Variants in ZFPM2 observed in about 807,000 individuals in gnomAD.
The protein encoded by ZFPM2 is zinc finger protein ZFPM2.
Under a neutral mutation model 98.6 loss-of-function variants are expected in ZFPM2, and 20 were observed. The ratio of observed to expected loss-of-function variants is 0.20; its 90% CI spans 0.14 to 0.29. The LOEUF (loss-of-function observed/expected upper bound fraction) is 0.29. ZFPM2 is among the 10% of genes least tolerant of loss of function. ZFPM2 has a pLI of 1.00. For synonymous variants in ZFPM2, 518 were observed against 502.7 expected, an observed-to-expected ratio of 1.03 and a Z score of -0.41; for missense variants, 1,310 against 1,388.6, an observed-to-expected ratio of 0.94 and a Z score of 0.90.
At chr8:105,734,261 C>G (rs1812017489) in intron 5 of ZFPM2, among the ~76,000 whole-genome samples, 1 of 151,884 alleles carries the variant, frequency 6.6e-6, no homozygotes, top group Admixed American at 6.6e-5. Context: ...CCACAAATAG[C>G]CTTGCATCTG....
chr8:105,411,847 G>A (rs761152060), intron 1 of ZFPM2, among the ~76,000 whole-genome samples: 31 of 151,736 alleles, frequency 2.0e-4, no homozygotes, highest in Admixed American at 1.1e-3. Flanking sequence ...GAGTAAATTA[G>A]TCATTAGAGA....
At chr8:105,600,378 T>A (rs1816066578) in intron 4 of ZFPM2, among the ~76,000 whole-genome samples, 1 of 152,164 alleles carries the variant, frequency 6.6e-6, no homozygotes, top group South Asian at 2.1e-4. Flanking sequence ...AGAAAGATTA[T>A]TTTTGAGTAA....
chr8:105,616,874 C>T (rs867623023), intron 4 of ZFPM2, among the ~76,000 whole-genome samples: 1 of 150,848 alleles, frequency 6.6e-6, no homozygotes, highest in African/African-American at 2.4e-5. Flanking sequence ...AAAAATTAGC[C>T]GGGTGTGGTG....
chr8:105,453,635 T>G, intron 3 of ZFPM2, among the ~76,000 whole-genome samples: 1 of 151,544 alleles, frequency 6.6e-6, no homozygotes, highest in Non-Finnish European at 1.5e-5. Flanking sequence ...TTTTTTGTTT[T>G]GTTTTGTTTT....
intron 5 of ZFPM2, among the ~76,000 whole-genome samples, chr8:105,719,318 C>T (rs547721997): frequency 9.2e-5 from 14 of 151,960 alleles, no homozygotes; most frequent in African/African-American, 2.4e-4. Context: ...TCTTTTCACT[C>T]CTCTTGTAAG....
At chr8:105,613,970 A>G (rs1396960490) in intron 4 of ZFPM2, among the ~76,000 whole-genome samples, 1 of 152,178 alleles carries the variant, frequency 6.6e-6, no homozygotes, top group African/African-American at 2.4e-5. Context: ...AAGGAAATGA[A>G]TTTACATAAC....
intron 3 of ZFPM2, among the ~76,000 whole-genome samples, chr8:105,498,129 T>C (rs918440738): frequency 6.6e-6 from 1 of 150,932 alleles, no homozygotes; most frequent in Admixed American, 6.6e-5. Flanking sequence ...GCCCAGGAGG[T>C]TGAGGCTGCA....
At chr8:105,384,480 A>C (rs1810946542) in intron 1 of ZFPM2, among the ~76,000 whole-genome samples, 1 of 152,082 alleles carries the variant, frequency 6.6e-6, no homozygotes, top group Admixed American at 6.6e-5. Flanking sequence ...CCAAATGGGA[A>C]CTGTGTTTTT....
At chr8:105,684,544 C>G (rs1586196545) in intron 5 of ZFPM2, among the ~76,000 whole-genome samples, 1 of 152,012 alleles carries the variant, frequency 6.6e-6, no homozygotes, top group Non-Finnish European at 1.5e-5. Context: ...TAGGTCATCT[C>G]TAAGATAGCA....
chr8:105,712,192 AGAG>A (rs570537957), intron 5 of ZFPM2, among the ~76,000 whole-genome samples: 59 of 151,414 alleles, frequency 3.9e-4, no homozygotes, highest in Non-Finnish European at 4.0e-4. Context: ...ATGGAGAAAG[AGAG>A]GAGAAGAAAG....
At chr8:105,598,065 C>CT (rs1816008632) in intron 4 of ZFPM2, among the ~76,000 whole-genome samples, 1 of 146,252 alleles carries the variant, frequency 6.8e-6, no homozygotes. Context: ...AAAAAAAAAA[C>CT]CTTTTTTTTT....
intron 3 of ZFPM2, among the ~76,000 whole-genome samples, chr8:105,471,041 T>C (rs2130346688): frequency 6.6e-6 from 1 of 152,338 alleles, no homozygotes; most frequent in South Asian, 2.1e-4. Flanking sequence ...TGAAAATCTT[T>C]TTTCTGCAGG....
intron 6 of ZFPM2, 43 bp from the exon 7 acceptor site, chr8:105,798,681 A>T: frequency 6.4e-7 from 1 of 1,556,330 alleles, no homozygotes; most frequent in Non-Finnish European, 8.8e-7. Context: ...AGTTGGTTTC[A>T]AATGGACAGC....
intron 3 of ZFPM2, among the ~76,000 whole-genome samples, chr8:105,502,181 T>C (rs181442860): frequency 2.0e-5 from 3 of 150,318 alleles, no homozygotes; most frequent in African/African-American, 2.5e-5. Context: ...CAATTACATA[T>C]TGACTTGGAA....
At chr8:105,386,051 ATAAAT>A (rs1810982273) in intron 1 of ZFPM2, among the ~76,000 whole-genome samples, 1 of 152,212 alleles carries the variant, frequency 6.6e-6, no homozygotes, top group Non-Finnish European at 1.5e-5. Context: ...TGAATATTAA[ATAAAT>A]TAATGTAAGT....
chr8:105,772,089 A>G (rs1019199823), intron 5 of ZFPM2, among the ~76,000 whole-genome samples: 4 of 152,140 alleles, frequency 2.6e-5, no homozygotes, highest in African/African-American at 7.2e-5. Flanking sequence ...ATTTGCTTTC[A>G]TGGAACTTTG....
intron 5 of ZFPM2, among the ~76,000 whole-genome samples, chr8:105,698,699 A>G (rs757396765): frequency 2.6e-4 from 39 of 152,330 alleles, no homozygotes; most frequent in South Asian, 1.0e-3. Context: ...TGAAGAACAG[A>G]GATATAAAAA....
At chr8:105,577,555 T>A (rs1260541435) in intron 4 of ZFPM2, among the ~76,000 whole-genome samples, 2 of 152,058 alleles carry the variant, frequency 1.3e-5, no homozygotes, top group African/African-American at 4.8e-5. Context: ...ATATTAAGAT[T>A]GTTTCTAACA....
chr8:105,436,746 T>TC (rs34111073), intron 2 of ZFPM2, among the ~76,000 whole-genome samples: 3 of 152,046 alleles, frequency 2.0e-5, no homozygotes, highest in Non-Finnish European at 2.9e-5. Flanking sequence ...TCCACATCTC[T>TC]CCCCCTTGGT....
Sources: gnomAD v4.1 joint callset for allele counts (sites outside exome capture counted in the v4.1 genomes callset) on GRCh38, gnomAD v4.1.1 for gene constraint, MANE v1.5 for transcripts, NCBI Gene and HGNC (gene_info 2026-07-23, HGNC 2026-07-21) for gene names.